Variants in MYOM1 observed in about 807,000 individuals in gnomAD.
MYOM1 encodes the protein myomesin-1.
A neutral mutation model predicts 205.3 loss-of-function variants in MYOM1; 164 were observed. The observed-to-expected ratio is 0.80, with a 90% CI of 0.70 to 0.91. The LOEUF (loss-of-function observed/expected upper bound fraction) is 0.91. Among genes scored for constraint, MYOM1 ranks in the 40% least tolerant of loss-of-function variants. The pLI is 0.00. For synonymous variants in MYOM1, 772 were observed against 789.4 expected, an observed-to-expected ratio of 0.98 and a Z score of 0.37; for missense variants, 2,011 against 2,127.3, an observed-to-expected ratio of 0.95 and a Z score of 1.08.
chr18:3,196,762 T>C (rs528538776), intron 2 of MYOM1, among the ~76,000 whole-genome samples: 3 of 152,340 alleles, frequency 2.0e-5, no homozygotes, highest in East Asian at 3.9e-4. Context: ...CATCTATGAC[T>C]GGTAGCACCA....
chr18:3,240,576 T>A, the MYOM1 span, among the ~76,000 whole-genome samples: 1 of 152,352 alleles, frequency 6.6e-6, no homozygotes, highest in Admixed American at 6.5e-5. Flanking sequence ...ACCTCATTCT[T>A]TTTTAAATTG....
At chr18:3,232,879 T>C in the MYOM1 span, among the ~76,000 whole-genome samples, 2 of 152,268 alleles carry the variant, frequency 1.3e-5, no homozygotes, top group South Asian at 4.1e-4. Context: ...TTAAATTTAT[T>C]TCTATTAATA....
chr18:3,143,163 G>A (rs1417402580), intron 13 of MYOM1, among the ~76,000 whole-genome samples: 2 of 152,102 alleles, frequency 1.3e-5, no homozygotes, highest in African/African-American at 4.8e-5. Flanking sequence ...ATTATATATT[G>A]AGGAACAAAA....
In MYOM1 at chr18:3,219,355, G is replaced by A. The variant is rs920626181; in HGVS notation, c.-29+448C>T. Among the ~76,000 whole-genome samples, 2 of 152,050 alleles carry A rather than the reference G, an allele frequency of 1.3e-5. No homozygotes were observed. Among genetic ancestry groups the A allele is most frequent in the African/African-American group, 4.8e-5 (2 of 41,410 alleles). On this transcript the variant is annotated intron_variant, in intron 1 of 37. Transcript: ENST00000356443. This position sits in a 1 kb window ranked among gnomAD's most constrained non-coding sequence, Gnocchi z 4.4. Reference sequence around the variant, plus strand: ...ATTGCATCGTCACAGCAAGATCCCTGAATTATAAACTAGTGACTTCAGAGT... The same window carrying A: ...ATTGCATCGTCACAGCAAGATCCCTAAATTATAAACTAGTGACTTCAGAGT...
chr18:3,174,568 A>C (rs1477569887), intron 6 of MYOM1, among the ~76,000 whole-genome samples: 1 of 152,208 alleles, frequency 6.6e-6, no homozygotes, highest in South Asian at 2.1e-4. Flanking sequence ...CTAAAGTTGC[A>C]TTGGGAGGAG....
intron 12 of MYOM1, among the ~76,000 whole-genome samples, chr18:3,149,743 C>CG (rs1328076127): frequency 6.6e-6 from 1 of 152,034 alleles, no homozygotes; most frequent in Non-Finnish European, 1.5e-5. Flanking sequence ...ATGAATGATA[C>CG]GGGTACAAAG....
intron 16 of MYOM1, among the ~76,000 whole-genome samples, chr18:3,133,965 G>A (rs998673885): frequency 1.3e-5 from 2 of 152,118 alleles, no homozygotes; most frequent in African/African-American, 4.8e-5. Flanking sequence ...CAGGCTCAAG[G>A]AATTCTCCCA....
chr18:3,187,841 T>C (rs1672995663), intron 4 of MYOM1, among the ~76,000 whole-genome samples: 2 of 151,230 alleles, frequency 1.3e-5, no homozygotes, highest in Non-Finnish European at 3.0e-5. Context: ...TTAAGCAACA[T>C]CTTTGATTTC....
At chr18:3,175,919 C>T (rs746376547) in intron 6 of MYOM1, 123 bp downstream of exon 6, 10 of 644,140 alleles carry the variant, frequency 1.6e-5, no homozygotes, top group Admixed American at 2.3e-5. Flanking sequence ...GCACCGTATA[C>T]GAATGTCCCT....
intron 27 of MYOM1, among the ~76,000 whole-genome samples, chr18:3,090,290 G>A (rs1488047890): frequency 2.0e-5 from 3 of 149,204 alleles, no homozygotes; most frequent in Non-Finnish European, 3.0e-5. Context: ...TGCGATCTTG[G>A]CTCACTGCAA....
chr18:3,112,303 C>T lies in MYOM1; in HGVS notation c.3413G>A (p.Arg1138His), dbSNP rs148782330. The T allele has an allele frequency of 2.2e-4, 350 of 1,613,066 alleles. 1 individual carries two copies. In the East Asian group the frequency reaches 6.2e-3, roughly 29 times the overall value. The change falls in exon 22 of 38, where the codon CGT becomes CAT. Residue 1138 changes from arginine to histidine, a missense_variant. Physicochemically the swap from Arg to His is conservative, Grantham distance 29. Coordinates refer to ENST00000356443, the MANE Select transcript of MYOM1 (RefSeq NM_003803.4). ...ATGAAAAGGTGAAAGCCCACCTGGA[C>T]GGGTCTCTGCCACAACAGGGCCAGC... is the stretch of plus-strand genomic sequence containing the variant. ...DLAGPVVAET[R>H]PGTKEVVVNV...
At chr18:3,244,379 G>C in the MYOM1 span, among the ~76,000 whole-genome samples, 4 of 152,088 alleles carry the variant, frequency 2.6e-5, no homozygotes, top group Non-Finnish European at 5.9e-5. Flanking sequence ...TTCATATGTT[G>C]AAGGCCTAAC....
intron 19 of MYOM1, among the ~76,000 whole-genome samples, chr18:3,122,541 T>C (rs890378487): frequency 6.6e-6 from 1 of 152,246 alleles, no homozygotes; most frequent in African/African-American, 2.4e-5. Context: ...GAGACTATCC[T>C]GCATTTTTTT....
At chr18:3,174,395 G>A (rs2080604710) in intron 6 of MYOM1, among the ~76,000 whole-genome samples, 187 bp from the exon 7 acceptor site, 1 of 152,110 alleles carries the variant, frequency 6.6e-6, no homozygotes, top group African/African-American at 2.4e-5. Context: ...CCTAGTCCAA[G>A]TGATCTACTG....
chr18:3,131,857 A>G (rs2079880042), intron 16 of MYOM1, among the ~76,000 whole-genome samples: 1 of 151,990 alleles, frequency 6.6e-6, no homozygotes, highest in African/African-American at 2.4e-5. Flanking sequence ...TCAAAAAATG[A>G]GGAGCCCTGG....
At chr18:3,173,630 C>T (rs1050431638) in intron 8 of MYOM1, among the ~76,000 whole-genome samples, 5 of 148,144 alleles carry the variant, frequency 3.4e-5, no homozygotes, top group African/African-American at 2.5e-5. Flanking sequence ...TTGGTTAAGT[C>T]GTTCTGCCCA....
chr18:3,077,673 G>A (rs2079035213), intron 34 of MYOM1, among the ~76,000 whole-genome samples: 1 of 152,166 alleles, frequency 6.6e-6, no homozygotes. Context: ...GAGTGGTGTA[G>A]TTAAATAAGC....
At position 3,067,340 on chromosome 18, in the gene MYOM1, G is replaced by C. The variant is rs745312253; in HGVS notation, c.4980C>G (p.Thr1660=). 1 of 1,612,188 alleles carries C rather than the reference G, an allele frequency of 6.2e-7. No homozygotes were observed. Among genetic ancestry groups the C allele is most frequent in the African/African-American group, 1.3e-5 (1 of 74,872 alleles). ...NKYGSETSDF[T]VSVFIPEEEA... is the part of the protein sequence containing the mutation. ...CCTCCTCTGGGATGAACACGCTGAC[G>C]GTGAAGTCGCTGGTCTCCGAGCCAT... The change falls in exon 38 of 38, where the codon ACC becomes ACG. Residue 1660 remains threonine (T), a synonymous_variant. Transcript: ENST00000356443.
At chr18:3,125,218 C>T (rs949700684) in intron 19 of MYOM1, among the ~76,000 whole-genome samples, 1 of 152,072 alleles carries the variant, frequency 6.6e-6, no homozygotes, top group Non-Finnish European at 1.5e-5. Context: ...CCTGACCCAG[C>T]CATTCTACAT....
Sources: gnomAD v4.1 joint callset for allele counts (sites outside exome capture counted in the v4.1 genomes callset) on GRCh38, gnomAD v4.1.1 for gene constraint, Gnocchi (gnomAD v3.1) non-coding constraint, MANE v1.5 for transcripts, NCBI Gene and HGNC (gene_info 2026-07-23, HGNC 2026-07-21) for gene names.